Variants in ZFP90 observed in about 807,000 individuals in gnomAD.
The protein encoded by ZFP90 is ZFP90 zinc finger protein.
Under a neutral mutation model 60.8 loss-of-function variants are expected in ZFP90, and 38 were observed. The ratio of observed to expected loss-of-function variants is 0.62; its 90% CI spans 0.48 to 0.82. The LOEUF is 0.82. Among genes scored for constraint, ZFP90 ranks in the 40% least tolerant of loss-of-function variants. The probability of loss-of-function intolerance (pLI) is 0.00; values close to 1 mark genes in which losing one functional copy is unlikely to be tolerated. For synonymous variants in ZFP90, 287 were observed against 264.8 expected (o/e 1.08, Z -0.82); for missense variants, 711 against 759.1 (o/e 0.94, Z 0.74).
At chr16:68,574,950 A>AAAGTGG in intron 2 of ZFP90, among the ~76,000 whole-genome samples, 1 of 130,262 alleles carries the variant, frequency 7.7e-6, no homozygotes, top group African/African-American at 2.8e-5. Context: ...AAAGTGGAAA[A>AAAGTGG]AAAAAGAGAC....
rs776333566 is a variant in ZFP90, at chr16:68,564,025, T to A, written c.1238T>A (p.Met413Lys). The stretch of plus-strand genomic sequence containing the variant: ...CAGAGCCCATCCCTTTATAAACATA[T>A]GAGGATTCATAAGAGAGGCAAACCT... Reference protein sequence around the residue: ...FGQSPSLYKHMRIHKRGKPYQ... With the variant: ...FGQSPSLYKHKRIHKRGKPYQ... The change falls in exon 5 of 5, where the codon ATG (methionine) becomes AAG (lysine). Residue 413 changes from methionine to lysine, a missense_variant. Physicochemically the swap from Met to Lys is moderately conservative, Grantham distance 95. Coordinates refer to ENST00000563169, the MANE Select transcript of ZFP90 (RefSeq NM_001305203.2). 6.2e-7 allele frequency: 1 copy of A among 1,613,706 alleles called. No individual in the cohort carries two copies. Among genetic ancestry groups the A allele is most frequent in the Non-Finnish European group, 8.5e-7 (1 of 1,179,958 alleles).
In ZFP90 at chr16:68,557,854, A is replaced by G. The variant is rs1209755530; in HGVS notation, c.34-144A>G. 1.3e-5 allele frequency: 15 copies of G among 1,141,754 alleles called. No individual in the cohort carries two copies. In the East Asian group the frequency reaches 3.2e-4, roughly 24 times the overall value. The allele number at this position is 1,141,754 out of a possible 1,614,324, so 70.7% of individuals were successfully genotyped here. ...GATCCTTTACAAAATTATGTAAACA[A>G]TAAGTTTATGTAACCCAACATTGCC... On this transcript the variant is annotated intron_variant, in intron 2 of 4. Transcript: ENST00000563169.
At chr16:68,557,218 G>T (rs1357413121) in intron 2 of ZFP90, 1 of 455,510 alleles carries the variant, frequency 2.2e-6, no homozygotes, top group African/African-American at 2.0e-5. Flanking sequence ...AAACTCTTGG[G>T]CTCCTGTAAC....
intron 2 of ZFP90, among the ~76,000 whole-genome samples, chr16:68,544,632 A>G (rs765794368): frequency 6.6e-5 from 10 of 152,050 alleles, no homozygotes; most frequent in Admixed American, 2.6e-4. Flanking sequence ...GGCTTAGGTC[A>G]CCCAAACTTA....
intron 2 of ZFP90, among the ~76,000 whole-genome samples, chr16:68,557,486 G>A (rs1045799676): frequency 6.6e-6 from 1 of 152,052 alleles, no homozygotes; most frequent in Admixed American, 6.6e-5. Context: ...AGAACAATAT[G>A]TATGGTATTT....
intron 2 of ZFP90, among the ~76,000 whole-genome samples, chr16:68,547,170 T>C (rs1306142663): frequency 6.6e-6 from 1 of 152,222 alleles, no homozygotes; most frequent in Non-Finnish European, 1.5e-5. Context: ...GGTAATTTTT[T>C]TCCGGAACCA....
At chr16:68,557,592 C>T (rs1567405808) in intron 2 of ZFP90, among the ~76,000 whole-genome samples, 1 of 151,478 alleles carries the variant, frequency 6.6e-6, no homozygotes, top group Non-Finnish European at 1.5e-5. Flanking sequence ...ATACACCAAA[C>T]TATTAAGAGT....
At chr16:68,550,308 G>A (rs1844422389) in intron 2 of ZFP90, among the ~76,000 whole-genome samples, 1 of 152,118 alleles carries the variant, frequency 6.6e-6, no homozygotes. Context: ...CGCCCAGGCT[G>A]GAGTGTAGTG....
upstream of ZFP90, among the ~76,000 whole-genome samples, chr16:68,535,304 GA>G (rs2090952223): frequency 1.3e-5 from 2 of 152,288 alleles, no homozygotes; most frequent in South Asian, 2.1e-4. Flanking sequence ...AAATTCTCGG[GA>G]AAGATATCCA....
chr16:68,563,860 TCA>T lies in ZFP90; in HGVS notation c.1080_1081del (p.His360GlnfsTer9). The T allele has an allele frequency of 6.2e-7, 1 of 1,613,916 alleles. No individual in the cohort carries two copies. The highest frequency in any genetic ancestry group is 8.5e-7 in the Non-Finnish European group (1 of 1,179,978). ...GGCACATCCCTCACTCAACACGAGG[TCA>T]CACACAGTGGAGAGAAGCCCTTCCA... On this transcript the variant is annotated frameshift_variant, in exon 5 of 5. Transcript: ENST00000563169. LOFTEE classifies it high-confidence loss of function.
chr16:68,546,693 G>A (rs762331391), intron 2 of ZFP90, among the ~76,000 whole-genome samples: 21 of 152,122 alleles, frequency 1.4e-4, no homozygotes, highest in Non-Finnish European at 2.4e-4. Flanking sequence ...TGTGTTTTTA[G>A]TAGAGCCAGG....
chr16:68,543,446 G>A (rs2091088552), intron 2 of ZFP90, among the ~76,000 whole-genome samples: 1 of 152,190 alleles, frequency 6.6e-6, no homozygotes, highest in African/African-American at 2.4e-5. Context: ...GGGACTAGGA[G>A]CAGAGATGGA....
At chr16:68,544,966 G>A (rs982924396) in intron 2 of ZFP90, among the ~76,000 whole-genome samples, 74 of 134,644 alleles carry the variant, frequency 5.5e-4, no homozygotes, top group Admixed American at 9.5e-4. Context: ...TACAACCTCC[G>A]CCTCCCGGGT....
At chr16:68,548,986 A>G (rs1217291029) in intron 2 of ZFP90, among the ~76,000 whole-genome samples, 2 of 152,090 alleles carry the variant, frequency 1.3e-5, no homozygotes, top group African/African-American at 4.8e-5. Flanking sequence ...TAATCCTCGA[A>G]ACAACTCCTC....
intron 4 of ZFP90, among the ~76,000 whole-genome samples, chr16:68,561,859 T>C (rs931275318): frequency 6.6e-6 from 1 of 152,246 alleles, no homozygotes; most frequent in South Asian, 2.1e-4. Flanking sequence ...TAGGGTCTTA[T>C]TGTGATTTCC....
chr16:68,565,295 C>T lies in ZFP90; in HGVS notation c.*597C>T, dbSNP rs1236425047. The T allele has an allele frequency of 1.0e-6, 1 of 985,418 alleles. No homozygotes were observed. Among genetic ancestry groups the T allele is most frequent in the Non-Finnish European group, 1.2e-6 (1 of 829,952 alleles). The allele number at this position is 985,418 out of a possible 1,614,324, so 61.0% of individuals were successfully genotyped here. On this transcript the variant is annotated 3_prime_UTR_variant, in exon 5 of 5. Coordinates refer to ENST00000563169, the MANE Select transcript of ZFP90 (RefSeq NM_001305203.2). The stretch of plus-strand genomic sequence containing the variant: ...AAATGCAGGTTTCCTGGATTTGGGG[C>T]CCCATGGCCTTGCCAGTGAAAAGGT...
At chr16:68,558,699 C>T (rs929887244) in intron 4 of ZFP90, 131 bp downstream of exon 4, 10 of 727,516 alleles carry the variant, frequency 1.4e-5, no homozygotes, top group South Asian at 7.0e-5. Flanking sequence ...ATCGCCTGGC[C>T]GACACCTTGT....
At chr16:68,551,695 G>GCC (rs2091264027) in intron 2 of ZFP90, among the ~76,000 whole-genome samples, 1 of 151,932 alleles carries the variant, frequency 6.6e-6, no homozygotes, top group Non-Finnish European at 1.5e-5. Context: ...ACAGGCATGA[G>GCC]CCACTGCACC....
chr16:68,542,035 C>T (rs528598725), intron 2 of ZFP90, among the ~76,000 whole-genome samples: 4 of 152,248 alleles, frequency 2.6e-5, no homozygotes, highest in South Asian at 2.1e-4. Context: ...TGGTCCTAAA[C>T]GGGGCTTTTC....
Sources: gnomAD v4.1 joint callset for allele counts (sites outside exome capture counted in the v4.1 genomes callset) on GRCh38, gnomAD v4.1.1 for gene constraint, MANE v1.5 for transcripts, NCBI Gene and HGNC (gene_info 2026-07-23, HGNC 2026-07-21) for gene names.